FMNL1: variants seen among roughly 807,000 people sequenced by gnomAD.
The protein encoded by FMNL1 is formin like 1.
FMNL1 carries 43 observed loss-of-function variants against 121.3 expected under a neutral mutation model. The observed-to-expected ratio is 0.35, with a 90% CI of 0.28 to 0.46. The LOEUF (loss-of-function observed/expected upper bound fraction) is 0.46. FMNL1 is among the 20% of genes least tolerant of loss of function. FMNL1 has a pLI of 1.00. For synonymous variants in FMNL1, 613 were observed against 613.5 expected, an observed-to-expected ratio of 1.00 and a Z score of 0.01; for missense variants, 1,191 against 1,482.4, an observed-to-expected ratio of 0.80 and a Z score of 3.23.
chr17:45,245,509 G>A (rs376891837), intron 22 of FMNL1, 93 bp downstream of exon 22: 4 of 1,604,816 alleles, frequency 2.5e-6, no homozygotes, highest in South Asian at 2.2e-5. Flanking sequence ...GGACCCCTTG[G>A]GGGGATGCAG....
At chr17:45,243,415 C>A in intron 17 of FMNL1, 95 bp downstream of exon 17, 1 of 1,416,690 alleles carries the variant, frequency 7.1e-7, no homozygotes. Context: ...CAATGGTGAG[C>A]TCTTTCATCA....
chr17:45,243,234 C>G lies in FMNL1; in HGVS notation c.2127C>G (p.Leu709=). The G allele has an allele frequency of 6.2e-7, 1 of 1,614,184 alleles. No homozygotes were observed. Among genetic ancestry groups the G allele is most frequent in the South Asian group, 1.1e-5 (1 of 91,084 alleles). The change falls in exon 17 of 27, where the codon CTC becomes CTG. Residue 709 remains leucine, a synonymous_variant. Transcript: ENST00000331495. ...AGAAGGCCCCCAGCAAGGCGACACT[C>G]ATTGAGGCCAACCGGGCCAAGAACT... ...AAQKAPSKAT[L]IEANRAKNLA...
In FMNL1 at chr17:45,243,724, G is replaced by A. The variant is rs1287945688; in HGVS notation, c.2214-67G>A. On this transcript the variant is annotated intron_variant, in intron 17 of 26. Coordinates refer to ENST00000331495, the MANE Select transcript of FMNL1 (RefSeq NM_005892.4). ...ATTCATTTATTCAATCAAGGCAGGG[G>A]TAGCCCTGCTCCCAGGGACTGGTGG... The A allele has an allele frequency of 2.8e-6, 4 of 1,433,762 alleles. No individual in the cohort carries two copies. In the African/African-American group the frequency reaches 4.2e-5, roughly 15 times the overall value. 88.8% of individuals were successfully genotyped at this position (1,433,762 alleles called of 1,614,324 possible).
chr17:45,226,023 G>C (rs760594213), intron 1 of FMNL1, among the ~76,000 whole-genome samples: 1 of 152,016 alleles, frequency 6.6e-6, no homozygotes, highest in Non-Finnish European at 1.5e-5. Context: ...TTAGCGGAGG[G>C]AGCCCAGACC....
chr17:45,236,555 C>G, intron 7 of FMNL1: 1 of 235,146 alleles, frequency 4.3e-6, no homozygotes, highest in Non-Finnish European at 8.3e-6. Flanking sequence ...AGCCTCGGGT[C>G]GATTCATTTG....
chr17:45,233,283 G>A lies in FMNL1; in HGVS notation c.387G>A (p.Arg129=). ...TACGGGAGCTGGAGACCTCCCTGAG[G>A]ACCAACCACATTGGGTGAGTGAGGG... ...QVLRELETSL[R]TNHIGWVQEF... is the part of the protein sequence containing the mutation. The change falls in exon 4 of 27, where the codon AGG becomes AGA. Residue 129 remains arginine, a synonymous_variant. Transcript: ENST00000331495. This position sits in a 1 kb window ranked among gnomAD's most constrained non-coding sequence, Gnocchi z 4.1. 4 of 1,560,614 alleles carry A rather than the reference G, an allele frequency of 2.6e-6. No individual in the cohort carries two copies. The highest frequency in any genetic ancestry group is 3.5e-6 in the Non-Finnish European group (4 of 1,152,672).
chr17:45,231,706 G>T lies in FMNL1; in HGVS notation c.214-661G>T, dbSNP rs1180906556. Among the ~76,000 whole-genome samples, 1 of 152,094 alleles carries T rather than the reference G, an allele frequency of 6.6e-6. No homozygotes were observed. Among genetic ancestry groups the T allele is most frequent in the Non-Finnish European group, 1.5e-5 (1 of 68,000 alleles). On this transcript the variant is annotated intron_variant, in intron 2 of 26. Transcript: ENST00000331495. The surrounding 1 kb of genome is among the most constrained non-coding windows in gnomAD (Gnocchi z 4.7). ...CAGTGGGGTGGGGGGATTAGGAATTGCATCACTGAGCACAGGAGAGGAGCA... is the reference window on the plus strand; with the variant it reads ...CAGTGGGGTGGGGGGATTAGGAATTTCATCACTGAGCACAGGAGAGGAGCA...
intron 26 of FMNL1, 119 bp downstream of exon 26, chr17:45,246,723 T>C: frequency 9.7e-7 from 1 of 1,031,422 alleles, no homozygotes; most frequent in Non-Finnish European, 1.4e-6. Context: ...ATTTGTGGGG[T>C]GGAGGGGTCT....
intron 2 of FMNL1, 91 bp downstream of exon 2, chr17:45,230,778 C>T: frequency 2.2e-6 from 3 of 1,350,600 alleles, no homozygotes; most frequent in Non-Finnish European, 3.1e-6. Context: ...GGGGCACCGC[C>T]ATACTGCCCA....
In FMNL1 at chr17:45,245,671, C is replaced by A. The variant is rs1316660672; in HGVS notation, c.2932C>A (p.Pro978Thr). 3 of 1,614,130 alleles carry A rather than the reference C, an allele frequency of 1.9e-6. No homozygotes were observed. The highest frequency in any genetic ancestry group is 1.6e-4 in the Middle Eastern group (1 of 6,062). The change falls in exon 23 of 27, where the codon CCC becomes ACC. Residue 978 changes from proline (P) to threonine (T), a missense_variant. By Grantham distance (38) the Pro-to-Thr change is conservative. This residue lies in a region of FMNL1 where 367 missense variants were observed against 528.6 expected (regional missense o/e 0.69). Transcript: ENST00000331495. ...TGTGGTGGAGTACTTCGGAGAGAAC[C>A]CCAAGACCACATCCCCAGGCCTGTT... Reference protein sequence around the residue: ...ESVVEYFGENPKTTSPGLFFS... With the variant: ...ESVVEYFGENTKTTSPGLFFS...
In FMNL1 at chr17:45,231,813, T is replaced by TCCAGCCGTCCTTC. The variant is rs1357861219; in HGVS notation, c.214-551_214-539dup. Among the ~76,000 whole-genome samples the TCCAGCCGTCCTTC allele has an allele frequency of 2.0e-5, 3 of 152,114 alleles. No homozygotes were observed. Among genetic ancestry groups the TCCAGCCGTCCTTC allele is most frequent in the East Asian group, 1.9e-4 (1 of 5,184 alleles). ...TGCTGGGTCCCCTTCACGAGGCACC[T>TCCAGCCGTCCTTC]CCAGCCGTCCTTCCCCGCCGTATGC... On this transcript the variant is annotated intron_variant, in intron 2 of 26. Coordinates refer to ENST00000331495, the MANE Select transcript of FMNL1 (RefSeq NM_005892.4). The surrounding 1 kb of genome is among the most constrained non-coding windows in gnomAD (Gnocchi z 4.7).
Position 45,233,824 on chromosome 17 carries a change from C to A in FMNL1, c.485+93C>A. ...CCCACTCCCCTGGCCAGTTTCAAGC[C>A]AGGCAGCCCGAGCCTACCCTGGAAC... On this transcript the variant is annotated intron_variant, in intron 5 of 26. Transcript: ENST00000331495. The surrounding 1 kb of genome is among the most constrained non-coding windows in gnomAD (Gnocchi z 4.1). 6.6e-7 allele frequency: 1 copy of A among 1,523,102 alleles called. No homozygotes were observed. The highest frequency in any genetic ancestry group is 1.2e-5 in the South Asian group (1 of 84,528). 94.3% of individuals were successfully genotyped at this position (1,523,102 alleles called of 1,614,324 possible). A position where few individuals can be genotyped will look rare whatever the true frequency, so the allele number is the denominator to read the frequency against.
intron 16 of FMNL1, among the ~76,000 whole-genome samples, chr17:45,242,825 G>A (rs570277146): frequency 6.6e-6 from 1 of 152,320 alleles, no homozygotes; most frequent in South Asian, 2.1e-4. Context: ...GTTCCATTCT[G>A]TTTCCTCTGC....
chr17:45,238,496 G>A, intron 9 of FMNL1, 68 bp from the exon 10 acceptor site: 1 of 1,546,802 alleles, frequency 6.5e-7, no homozygotes, highest in African/African-American at 1.4e-5. Context: ...AAGCACAGGT[G>A]TGGCAGCCAG....
Position 45,234,144 on chromosome 17 carries a change from A to G in FMNL1, c.558A>G (p.Glu186=), listed in dbSNP as rs1213081352. The G allele has an allele frequency of 6.2e-7, 1 of 1,614,162 alleles. No individual in the cohort carries two copies. Among genetic ancestry groups the G allele is most frequent in the South Asian group, 1.1e-5 (1 of 91,086 alleles). The change falls in exon 6 of 27, where the codon GAA becomes GAG. Residue 186 remains glutamate (E), a synonymous_variant. Transcript: ENST00000331495. ...EKNKPLEQSV[E]DLSKGPPSSV... Reference sequence around the variant, plus strand: ...ACAAGCCCCTGGAGCAGTCTGTGGAAGACCTCAGCAAGGGTCCACCCTCCT... The same window carrying G: ...ACAAGCCCCTGGAGCAGTCTGTGGAGGACCTCAGCAAGGGTCCACCCTCCT...
chr17:45,228,827 G>A (rs1235588436), intron 1 of FMNL1, among the ~76,000 whole-genome samples: 2 of 128,928 alleles, frequency 1.6e-5, no homozygotes, highest in East Asian at 5.4e-4. Context: ...CTTACTCCCT[G>A]GCCACCGTCT....
intron 3 of FMNL1, chr17:45,232,724 G>A (rs941004979): frequency 6.6e-6 from 4 of 610,538 alleles, no homozygotes; most frequent in Non-Finnish European, 9.0e-6. Context: ...TATACTGTGT[G>A]TATACACATG....
At position 45,240,621 on chromosome 17, in the gene FMNL1, C is replaced by T. The variant is rs146321570; in HGVS notation, c.1226C>T (p.Ala409Val). 2.9e-4 allele frequency: 471 copies of T among 1,612,920 alleles called. 3 individuals are homozygous for T. In the South Asian group the frequency reaches 3.9e-3, roughly 13 times the overall value. ...EHMEELQEQV[A>V]LLTERLRDAE... The stretch of plus-strand genomic sequence containing the variant: ...ATGGAGGAACTGCAGGAGCAAGTGG[C>T]GCTGGTGAGAGTGGGTCCTGACCCC... Residue 409 changes from alanine to valine, a missense_variant, in exon 12 of 27, where the codon GCG (alanine) becomes GTG (valine). Physicochemically the swap from Ala to Val is moderately conservative, Grantham distance 64. This residue lies in a region of FMNL1 where 519 missense variants were observed against 492.8 expected (regional missense o/e 1.05). Transcript: ENST00000331495.
chr17:45,241,785 G>T lies in FMNL1; in HGVS notation c.1586-62G>T. On this transcript the variant is annotated intron_variant, in intron 14 of 26. Transcript: ENST00000331495. The surrounding 1 kb of genome is among the most constrained non-coding windows in gnomAD (Gnocchi z 7.0). Reference sequence around the variant, plus strand: ...ATGCGTAGAGCGGAGAGGCGGAGAGGGGCCCACCCAAGTCAAGGAGCTGAC... The same window carrying T: ...ATGCGTAGAGCGGAGAGGCGGAGAGTGGCCCACCCAAGTCAAGGAGCTGAC... 1 of 1,396,956 alleles carries T rather than the reference G, an allele frequency of 7.2e-7. No homozygotes were observed. The highest frequency in any genetic ancestry group is 9.3e-7 in the Non-Finnish European group (1 of 1,080,276). 86.5% of individuals were successfully genotyped at this position (1,396,956 alleles called of 1,614,324 possible). A position where few individuals can be genotyped will look rare whatever the true frequency, so the allele number is the denominator to read the frequency against.
Sources: allele counts gnomAD v4.1 joint callset (sites outside exome capture counted in the v4.1 genomes callset), GRCh38; gene constraint gnomAD v4.1.1; regional missense constraint gnomAD v4.1.1; non-coding constraint Gnocchi (gnomAD v3.1); transcripts MANE v1.5; gene names NCBI Gene and HGNC (gene_info 2026-07-23, HGNC 2026-07-21).